The following ADARB1 variants were observed in gnomAD, a reference collection of about 807,000 sequenced individuals.
The protein encoded by ADARB1 is adenosine deaminase RNA specific B1, also known as double-stranded RNA-specific editase 1.
In ADARB1, 10 loss-of-function variants were observed where a neutral mutation model predicts 52.4. The ratio of observed to expected loss-of-function variants is 0.19; its 90% CI spans 0.12 to 0.32. The LOEUF is 0.32. ADARB1 is among the 10% of genes least tolerant of loss of function. ADARB1 has a pLI of 1.00. For missense variants in ADARB1, 643 were observed against 922.3 expected, an observed-to-expected ratio of 0.70 and a Z score of 3.92; for synonymous variants, 349 against 371.1, an observed-to-expected ratio of 0.94 and a Z score of 0.68.
intron 1 of ADARB1, among the ~76,000 whole-genome samples, chr21:45,087,593 G>A (rs551622801): frequency 6.6e-6 from 1 of 152,152 alleles, no homozygotes; most frequent in East Asian, 1.9e-4. Context: ...AGGGGGCAGG[G>A]AAGTGGAGTG....
chr21:45,160,138 G>C (rs1033199479), intron 2 of ADARB1, among the ~76,000 whole-genome samples: 2 of 152,204 alleles, frequency 1.3e-5, no homozygotes, highest in South Asian at 4.1e-4. Flanking sequence ...CATCGGGTAG[G>C]GGCTGCCTTC....
chr21:45,135,299 C>T (rs1464466155), intron 2 of ADARB1, among the ~76,000 whole-genome samples: 7 of 152,252 alleles, frequency 4.6e-5, no homozygotes, highest in Admixed American at 3.9e-4. Flanking sequence ...TGTTCCTTGG[C>T]AGAGGCCTCC....
At chr21:45,115,225 G>A (rs541433385) in intron 1 of ADARB1, among the ~76,000 whole-genome samples, 1 of 152,352 alleles carries the variant, frequency 6.6e-6, no homozygotes, top group Admixed American at 6.5e-5. Context: ...GGCATGAGGA[G>A]GTGGTCTGCT....
chr21:45,182,377 A>G (rs1269960688), intron 5 of ADARB1, among the ~76,000 whole-genome samples: 1 of 152,226 alleles, frequency 6.6e-6, no homozygotes, highest in Admixed American at 6.5e-5. Flanking sequence ...AAATGTCACA[A>G]AGTGAGTCCT....
At chr21:45,177,067 G>T in intron 4 of ADARB1, 1 of 163,518 alleles carries the variant, frequency 6.1e-6, no homozygotes, top group Admixed American at 6.0e-5. Flanking sequence ...TCCTTCAAAG[G>T]TCTCATCCAA....
At position 45,157,217 on chromosome 21, in the gene ADARB1, A is replaced by G. The variant is rs577201701; in HGVS notation, c.-47-14393A>G. Among the ~76,000 whole-genome samples, 11 of 152,348 alleles carry G rather than the reference A, an allele frequency of 7.2e-5. No individual in the cohort carries two copies. In the South Asian group the frequency reaches 2.3e-3, roughly 32 times the overall value. On this transcript the variant is annotated intron_variant, in intron 2 of 10. Coordinates refer to ENST00000348831, the MANE Select transcript of ADARB1 (RefSeq NM_001112.4). This position sits in a 1 kb window ranked among gnomAD's most constrained non-coding sequence, Gnocchi z 4.1. ...ACTCTAGGTTAACAGTTGAAATTCTAAAGTAAGCATGTAGAAGTAGATTTG... is the reference window on the plus strand; with the variant it reads ...ACTCTAGGTTAACAGTTGAAATTCTGAAGTAAGCATGTAGAAGTAGATTTG...
Position 45,221,206 on chromosome 21 carries a change from A to G in ADARB1, c.1926+192A>G, listed in dbSNP as rs1487447560. Reference sequence around the variant, plus strand: ...GCTACGTCCCTGAAACCTTAATGCCATCTCAAAGGCAGCTCTTTTCCTCCC... The same window carrying G: ...GCTACGTCCCTGAAACCTTAATGCCGTCTCAAAGGCAGCTCTTTTCCTCCC... On this transcript the variant is annotated intron_variant, in intron 10 of 10. Transcript: ENST00000348831. This position sits in a 1 kb window ranked among gnomAD's most constrained non-coding sequence, Gnocchi z 4.9. 1.3e-5 allele frequency among the ~76,000 whole-genome samples: 2 copies of G among 152,172 alleles called. No homozygotes were observed. Among genetic ancestry groups the G allele is most frequent in the Admixed American group, 6.5e-5 (1 of 15,278 alleles).
chr21:45,168,044 G>T (rs755073654), intron 2 of ADARB1, among the ~76,000 whole-genome samples: 1 of 152,000 alleles, frequency 6.6e-6, no homozygotes, highest in Non-Finnish European at 1.5e-5. Flanking sequence ...AGCCCTTCTC[G>T]GAGGTGTGCA....
rs1281224317 is a variant in ADARB1, at chr21:45,224,115, G to A, written c.*1918G>A. ...ACACTCTAGAAAAAACACCTTGTAAGTCTGTGCATTTTTATTGTCTTGATA... is the reference window on the plus strand; with the variant it reads ...ACACTCTAGAAAAAACACCTTGTAAATCTGTGCATTTTTATTGTCTTGATA... On this transcript the variant is annotated 3_prime_UTR_variant, in exon 11 of 11. Transcript: ENST00000348831. The A allele has an allele frequency of 1.1e-5, 11 of 985,336 alleles. No homozygotes were observed. The highest frequency in any genetic ancestry group is 1.3e-5 in the Non-Finnish European group (11 of 829,956). 61.0% of individuals were successfully genotyped at this position (985,336 alleles called of 1,614,324 possible). A position where few individuals can be genotyped will look rare whatever the true frequency, so the allele number is the denominator to read the frequency against.
intron 1 of ADARB1, among the ~76,000 whole-genome samples, chr21:45,076,768 C>A (rs1009769254): frequency 1.3e-5 from 2 of 152,166 alleles, no homozygotes; most frequent in Non-Finnish European, 1.5e-5. Context: ...TTTTTAACTT[C>A]TATTTGTCCA....
chr21:45,095,841 AG>A (rs1366579404), intron 1 of ADARB1, among the ~76,000 whole-genome samples: 3 of 152,214 alleles, frequency 2.0e-5, no homozygotes, highest in African/African-American at 7.2e-5. Flanking sequence ...TCTGTGAGTA[AG>A]GGTCTCCCAC....
In ADARB1 at chr21:45,116,587, T is replaced by C. The variant is rs181638661; in HGVS notation, c.-219-11815T>C. On this transcript the variant is annotated intron_variant, in intron 1 of 10. Coordinates refer to ENST00000348831, the MANE Select transcript of ADARB1 (RefSeq NM_001112.4). ...GGGTGATTTATGAAGGAAAAAGGTT[T>C]AACAGACTCACAGTTCAGCATGACT... Among the ~76,000 whole-genome samples the C allele has an allele frequency of 3.5e-4, 54 of 152,352 alleles. 1 individual carries two copies. The highest frequency in any genetic ancestry group is 3.4e-3 in the Middle Eastern group (1 of 294).
chr21:45,138,407 G>A (rs532972290), intron 2 of ADARB1, among the ~76,000 whole-genome samples: 1 of 152,320 alleles, frequency 6.6e-6, no homozygotes, highest in East Asian at 1.9e-4. Context: ...GTTTGCTAGA[G>A]CTAGTCCAGA....
intron 6 of ADARB1, among the ~76,000 whole-genome samples, chr21:45,183,126 A>G (rs867986010): frequency 9.2e-5 from 14 of 152,182 alleles, no homozygotes; most frequent in African/African-American, 1.4e-4. Flanking sequence ...CATTTTTTGT[A>G]TGTGGTCTTT....
intron 9 of ADARB1, among the ~76,000 whole-genome samples, chr21:45,211,745 C>T (rs2092772079): frequency 6.6e-6 from 1 of 152,184 alleles, no homozygotes; most frequent in South Asian, 2.1e-4. Flanking sequence ...TTCTCGTTAC[C>T]AGCCAAGTTG....
intron 5 of ADARB1, among the ~76,000 whole-genome samples, chr21:45,181,167 A>G (rs2146198493): frequency 1.3e-5 from 2 of 152,372 alleles, no homozygotes; most frequent in East Asian, 3.9e-4. Context: ...CCTAGAGGTC[A>G]GGGAGGAAGC....
chr21:45,152,448 A>G lies in ADARB1; in HGVS notation c.-47-19162A>G, dbSNP rs2090340405. Among the ~76,000 whole-genome samples, 5 of 152,224 alleles carry G rather than the reference A, an allele frequency of 3.3e-5. No homozygotes were observed. The South Asian group carries it at 1.0e-3, about 31-fold the overall frequency. ...CAGCCTAGTTCTGCCTAACTGCGGC[A>G]TGATGAATGGGCCCGAGGCAGAGGA... On this transcript the variant is annotated intron_variant, in intron 2 of 10. Transcript: ENST00000348831.
intron 2 of ADARB1, among the ~76,000 whole-genome samples, chr21:45,139,112 G>T (rs2089560049): frequency 6.6e-6 from 1 of 152,022 alleles, no homozygotes; most frequent in Non-Finnish European, 1.5e-5. Context: ...GTAGAGACGG[G>T]GTTTTGCTGT....
At chr21:45,086,368 A>G (rs1009931925) in intron 1 of ADARB1, among the ~76,000 whole-genome samples, 2 of 152,224 alleles carry the variant, frequency 1.3e-5, no homozygotes, top group African/African-American at 4.8e-5. Context: ...CATGAAATGC[A>G]CCCTCTCTAA....
Sources: gnomAD v4.1 joint callset for allele counts (sites outside exome capture counted in the v4.1 genomes callset) on GRCh38, gnomAD v4.1.1 for gene constraint, Gnocchi (gnomAD v3.1) non-coding constraint, MANE v1.5 for transcripts, NCBI Gene and HGNC (gene_info 2026-07-23, HGNC 2026-07-21) for gene names.